The following DNAH6 variants were observed in gnomAD, a reference collection of about 807,000 sequenced individuals.
The protein encoded by DNAH6 is axonemal beta dynein heavy chain 6.
Under a neutral mutation model 491.4 loss-of-function variants are expected in DNAH6, and 340 were observed. The observed-to-expected ratio is 0.69, with a 90% CI of 0.63 to 0.76. The LOEUF (loss-of-function observed/expected upper bound fraction) is 0.76. Among genes scored for constraint, DNAH6 ranks in the 30% least tolerant of loss-of-function variants. The probability of loss-of-function intolerance (pLI) is 0.00; values close to 1 mark genes in which losing one functional copy is unlikely to be tolerated. For synonymous variants in DNAH6, 1,603 were observed against 1,686.1 expected, an observed-to-expected ratio of 0.95 and a Z score of 1.21; for missense variants, 4,443 against 4,972.2, an observed-to-expected ratio of 0.89 and a Z score of 3.20.
intron 76 of DNAH6, among the ~76,000 whole-genome samples, chr2:84,818,225 A>G (rs766836164): frequency 2.0e-5 from 3 of 152,200 alleles, no homozygotes; most frequent in Non-Finnish European, 4.4e-5. Context: ...ACAATCAGAC[A>G]TAATGTGCTT....
intron 16 of DNAH6, among the ~76,000 whole-genome samples, chr2:84,590,179 T>G (rs1193334742): frequency 1.3e-5 from 2 of 151,922 alleles, no homozygotes; most frequent in Non-Finnish European, 2.9e-5. Flanking sequence ...GAGCAAGGTA[T>G]GGAGGAAATA....
chr2:84,705,529 T>G lies in DNAH6; in HGVS notation c.8509T>G (p.Phe2837Val), dbSNP rs372727336. The G allele has an allele frequency of 6.1e-5, 94 of 1,551,046 alleles. No individual in the cohort carries two copies. The African/African-American group carries it at 1.0e-3, about 17-fold the overall frequency. Residue 2837 changes from phenylalanine (F) to valine (V), a missense_variant, in exon 52 of 77, where the codon TTT (phenylalanine) becomes GTT (valine). Coordinates refer to ENST00000389394, the MANE Select transcript of DNAH6 (RefSeq NM_001370.2). ...SAKQLLGDSN[F>V]LKRLLEYDKE... ...AAAGCAACTTCTTGGTGACTCTAAC[T>G]TTCTAAAAAGGCTTTTAGAATATGA...
At chr2:84,515,021 G>T (rs923809026), upstream of DNAH6, among the ~76,000 whole-genome samples, 5 of 152,156 alleles carry the variant, frequency 3.3e-5, no homozygotes, top group African/African-American at 1.2e-4. Flanking sequence ...CATAAACTTT[G>T]AAGGGAACAG....
At chr2:84,637,828 A>C (rs1022227981) in intron 31 of DNAH6, among the ~76,000 whole-genome samples, 2 of 152,212 alleles carry the variant, frequency 1.3e-5, no homozygotes, top group Non-Finnish European at 2.9e-5. Flanking sequence ...AAAAAATAGT[A>C]ATCATTAACA....
In DNAH6 at chr2:84,547,526, C is replaced by A. The variant is rs1415037058; in HGVS notation, c.1100C>A (p.Ala367Glu). The A allele has an allele frequency of 6.4e-7, 1 of 1,551,632 alleles. No homozygotes were observed. Among genetic ancestry groups the A allele is most frequent in the Non-Finnish European group, 8.7e-7 (1 of 1,146,946 alleles). The change falls in exon 7 of 77, where the codon GCA (alanine) becomes GAA (glutamate). Residue 367 changes from alanine to glutamate, a missense_variant. This residue lies in a region of DNAH6 where 2,977 missense variants were observed against 3,296.6 expected (regional missense o/e 0.90). Coordinates refer to ENST00000389394, the MANE Select transcript of DNAH6 (RefSeq NM_001370.2). ...TERLGEFRNE[A>E]KYVVRRACRF... ...CGCCTAGGAGAATTTCGAAATGAGG[C>A]AAAATATGTAGTCAGGAGGGCTTGT...
In DNAH6 at chr2:84,535,146, A is replaced by G; in HGVS notation, c.662+5980A>G. On this transcript the variant is annotated intron_variant, in intron 4 of 76. Transcript: ENST00000389394. ...CATCCTTGAGTTTTTAAAAAATTTT[A>G]AATCATTTGCTGATATTAAGGTCTA... is the stretch of plus-strand genomic sequence containing the variant. 1.3e-5 allele frequency among the ~76,000 whole-genome samples: 2 copies of G among 151,966 alleles called. 1 individual carries two copies. The highest frequency in any genetic ancestry group is 2.9e-5 in the Non-Finnish European group (2 of 67,930).
chr2:84,802,372 A>T (rs949700499), intron 70 of DNAH6, among the ~76,000 whole-genome samples: 5 of 152,244 alleles, frequency 3.3e-5, no homozygotes, highest in Admixed American at 3.3e-4. Context: ...AAGATCTATC[A>T]TGCAAACAAA....
At chr2:84,555,701 G>A (rs1443167484) in intron 10 of DNAH6, among the ~76,000 whole-genome samples, 12 of 151,916 alleles carry the variant, frequency 7.9e-5, no homozygotes, top group Non-Finnish European at 1.8e-4. Context: ...TGAACTTATC[G>A]ATTTCTTCGA....
intron 54 of DNAH6, 140 bp downstream of exon 54, chr2:84,707,856 C>T (rs1356785583): frequency 9.4e-6 from 6 of 639,522 alleles, no homozygotes; most frequent in Admixed American, 2.9e-5. Context: ...TATTTCACAG[C>T]GCTTCACTCC....
chr2:84,733,295 C>T, intron 61 of DNAH6, 149 bp from the exon 62 acceptor site: 1 of 641,636 alleles, frequency 1.6e-6, no homozygotes. Flanking sequence ...TGATTCAACA[C>T]CATTTCTATT....
chr2:84,522,661 G>C (rs775495208), intron 2 of DNAH6, among the ~76,000 whole-genome samples: 2 of 151,980 alleles, frequency 1.3e-5, no homozygotes, highest in Non-Finnish European at 2.9e-5. Context: ...AGTTTATTGA[G>C]TGTTCAACAT....
In DNAH6 at chr2:84,619,864, C is replaced by T. The variant is rs2104392715; in HGVS notation, c.3752C>T (p.Thr1251Ile). Reference sequence around the variant, plus strand: ...GATGGAGAACCAGAAAAGGTTTATACTAATGATATTTTAGCAATGCTGTCA... The same window carrying T: ...GATGGAGAACCAGAAAAGGTTTATATTAATGATATTTTAGCAATGCTGTCA... ...GIDGEPEKVY[T>I]NDILAMLSPE... Residue 1251 changes from threonine (T) to isoleucine (I), a missense_variant, in exon 24 of 77, where the codon ACT (threonine) becomes ATT (isoleucine). By Grantham distance (89) the Thr-to-Ile change is moderately conservative (BLOSUM62 -1). Around this residue, in one of 3 missense-constraint regions of DNAH6, gnomAD observed 2,977 missense variants for 3,296.6 expected, o/e 0.90. Transcript: ENST00000389394. 6.4e-7 allele frequency: 1 copy of T among 1,551,292 alleles called. No homozygotes were observed.
chr2:84,502,993 A>G, the DNAH6 span, among the ~76,000 whole-genome samples: 3 of 152,122 alleles, frequency 2.0e-5, no homozygotes, highest in East Asian at 3.9e-4. Flanking sequence ...ATTTACATTC[A>G]ATGTTATTAT....
chr2:84,799,688 GAC>G (rs759844370), intron 70 of DNAH6, among the ~76,000 whole-genome samples: 1 of 152,244 alleles, frequency 6.6e-6, no homozygotes, highest in Non-Finnish European at 1.5e-5. Flanking sequence ...GTCTTCTAGA[GAC>G]AGTCTTTGGT....
chr2:84,726,451 G>A (rs191190667), intron 60 of DNAH6, among the ~76,000 whole-genome samples: 95 of 152,206 alleles, frequency 6.2e-4, no homozygotes, highest in African/African-American at 2.1e-3. Flanking sequence ...GCTTCCTCAC[G>A]CAGCTTGGGA....
intron 13 of DNAH6, among the ~76,000 whole-genome samples, chr2:84,578,857 CAGTA>C (rs1682731769): frequency 2.0e-5 from 3 of 152,274 alleles, no homozygotes; most frequent in Admixed American, 1.3e-4. Context: ...GTTCTCCTGA[CAGTA>C]AGTGAATTCT....
intron 4 of DNAH6, among the ~76,000 whole-genome samples, chr2:84,533,582 T>C (rs766398408): frequency 7.9e-5 from 12 of 152,172 alleles, no homozygotes; most frequent in Non-Finnish European, 1.6e-4. Flanking sequence ...CAGCATCTTA[T>C]GATTTTACTA....
intron 20 of DNAH6, among the ~76,000 whole-genome samples, chr2:84,606,728 C>T (rs1328609763): frequency 1.3e-5 from 2 of 151,946 alleles, no homozygotes; most frequent in Non-Finnish European, 2.9e-5. Context: ...AAAACTTGTG[C>T]CATTATTAAT....
chr2:84,470,083 C>G, the DNAH6 span, among the ~76,000 whole-genome samples: 1 of 152,146 alleles, frequency 6.6e-6, no homozygotes, highest in Non-Finnish European at 1.5e-5. Flanking sequence ...CCAAAGTCAG[C>G]CAGTCGGTGC....
Sources: gnomAD v4.1 joint callset for allele counts (sites outside exome capture counted in the v4.1 genomes callset) on GRCh38, gnomAD v4.1.1 for gene constraint, gnomAD v4.1.1 regional missense constraint, MANE v1.5 for transcripts, NCBI Gene and HGNC (gene_info 2026-07-23, HGNC 2026-07-21) for gene names.